BCKDHB: variants seen among roughly 807,000 people sequenced by gnomAD.
BCKDHB encodes the protein 2-oxoisovalerate dehydrogenase subunit beta, mitochondrial.
Under a neutral mutation model 48.5 loss-of-function variants are expected in BCKDHB, and 41 were observed. The observed-to-expected ratio is 0.85, with a 90% CI of 0.66 to 1.10. The LOEUF (loss-of-function observed/expected upper bound fraction) is 1.10, where lower values mean the gene tolerates loss of function less well. BCKDHB is among the 50% of genes least tolerant of loss of function. The pLI, the probability that BCKDHB is intolerant of heterozygous loss-of-function variation, is 0.00. For missense variants in BCKDHB, 496 were observed against 494.2 expected (o/e 1.00, Z -0.03); for synonymous variants, 201 against 174.8 (o/e 1.15, Z -1.18).
At chr6:80,448,681 A>G in the BCKDHB span, among the ~76,000 whole-genome samples, 35 of 152,348 alleles carry the variant, frequency 2.3e-4, no homozygotes, top group African/African-American at 8.4e-4. Flanking sequence ...ATGAATCCCA[A>G]ATATCTTTCA....
intron 8 of BCKDHB, among the ~76,000 whole-genome samples, chr6:80,241,419 C>T (rs915496959): frequency 1.3e-5 from 2 of 152,092 alleles, no homozygotes; most frequent in East Asian, 1.9e-4. Context: ...TGATGGTGAC[C>T]TACAGATGGA....
chr6:80,138,125 C>A (rs998253188), intron 3 of BCKDHB, among the ~76,000 whole-genome samples: 1 of 151,918 alleles, frequency 6.6e-6, no homozygotes, highest in Admixed American at 6.6e-5. Context: ...TGATCTATTT[C>A]CATGTAATGT....
In BCKDHB at chr6:80,273,174, G is replaced by A. The variant is rs1777825845; in HGVS notation, c.991G>A (p.Ala331Thr). Residue 331 changes from alanine (A) to threonine (T), a missense_variant, in exon 9 of 10, where the codon GCT becomes ACT. Transcript: ENST00000320393. Reference sequence around the variant, plus strand: ...AGGGCGACTGCTAATCAGTCACGAGGCTCCCTTGACAGGCGGCTTTGCATC... The same window carrying A: ...AGGGCGACTGCTAATCAGTCACGAGACTCCCTTGACAGGCGGCTTTGCATC... Reference protein sequence around the residue: ...KTGRLLISHEAPLTGGFASEI... With the variant: ...KTGRLLISHETPLTGGFASEI... The A allele has an allele frequency of 6.2e-7, 1 of 1,613,550 alleles. No individual in the cohort carries two copies. Among genetic ancestry groups the A allele is most frequent in the Non-Finnish European group, 8.5e-7 (1 of 1,179,674 alleles).
intron 3 of BCKDHB, among the ~76,000 whole-genome samples, chr6:80,163,276 A>G (rs1163156893): frequency 1.4e-5 from 2 of 147,080 alleles, no homozygotes; most frequent in African/African-American, 5.0e-5. Context: ...CTCTGCTTCT[A>G]TTCTCTATTC....
At chr6:80,183,215 A>G (rs1773494986) in intron 6 of BCKDHB, among the ~76,000 whole-genome samples, 1 of 152,158 alleles carries the variant, frequency 6.6e-6, no homozygotes, top group Admixed American at 6.6e-5. Context: ...TGACGAAGCC[A>G]GATGCTGTGT....
the BCKDHB span, among the ~76,000 whole-genome samples, chr6:80,357,350 T>C: frequency 6.6e-6 from 1 of 151,996 alleles, no homozygotes; most frequent in Non-Finnish European, 1.5e-5. Flanking sequence ...GCACAGCTGT[T>C]GAAACAGAAT....
intron 9 of BCKDHB, chr6:80,308,059 A>G: frequency 3.1e-6 from 1 of 325,890 alleles, no homozygotes; most frequent in Non-Finnish European, 4.4e-6. Flanking sequence ...AATAAAACAA[A>G]TATATGAATT....
chr6:80,152,804 G>A (rs1012583271), intron 3 of BCKDHB, among the ~76,000 whole-genome samples: 1 of 152,154 alleles, frequency 6.6e-6, no homozygotes, highest in African/African-American at 2.4e-5. Context: ...GGTTCATGCT[G>A]GTACCTTTGT....
At chr6:80,245,025 CCTCT>C (rs1368605506) in intron 8 of BCKDHB, among the ~76,000 whole-genome samples, 2 of 152,008 alleles carry the variant, frequency 1.3e-5, no homozygotes, top group Non-Finnish European at 2.9e-5. Context: ...TACTATTCTA[CCTCT>C]CTATCAGTTT....
chr6:80,303,531 A>G (rs185891598), intron 9 of BCKDHB, among the ~76,000 whole-genome samples: 2 of 152,218 alleles, frequency 1.3e-5, no homozygotes, highest in East Asian at 3.9e-4. Context: ...GCTTCTGCAT[A>G]AGAGCCAGAA....
At chr6:80,409,186 G>C in the BCKDHB span, among the ~76,000 whole-genome samples, 1 of 151,996 alleles carries the variant, frequency 6.6e-6, no homozygotes, top group African/African-American at 2.4e-5. Flanking sequence ...TAGTTGTGTG[G>C]TTTTGAGTGG....
the BCKDHB span, among the ~76,000 whole-genome samples, chr6:80,430,474 C>T: frequency 6.6e-6 from 1 of 152,152 alleles, no homozygotes; most frequent in African/African-American, 2.4e-5. Flanking sequence ...TAGAATTCAG[C>T]TGTGAATCCT....
At chr6:80,284,531 CT>C (rs2127978298) in intron 9 of BCKDHB, among the ~76,000 whole-genome samples, 2 of 152,122 alleles carry the variant, frequency 1.3e-5, no homozygotes, top group South Asian at 4.2e-4. Flanking sequence ...AGAGACATAA[CT>C]TTTTTGTTTT....
the BCKDHB span, among the ~76,000 whole-genome samples, chr6:80,408,394 T>C: frequency 6.6e-6 from 1 of 152,308 alleles, no homozygotes; most frequent in South Asian, 2.1e-4. Flanking sequence ...GGATTCCTTC[T>C]TTTTCTTTTG....
intron 9 of BCKDHB, among the ~76,000 whole-genome samples, chr6:80,321,344 C>A (rs1768707945): frequency 6.6e-6 from 1 of 152,134 alleles, no homozygotes; most frequent in African/African-American, 2.4e-5. Flanking sequence ...GATCTTTCCT[C>A]AATTCTACTG....
chr6:80,252,763 C>T (rs1306796343), intron 8 of BCKDHB, among the ~76,000 whole-genome samples: 1 of 152,246 alleles, frequency 6.6e-6, no homozygotes, highest in African/African-American at 2.4e-5. Context: ...TATCTTACTA[C>T]AAGAGATACT....
At chr6:80,457,651 C>CA in the BCKDHB span, among the ~76,000 whole-genome samples, 240 of 152,264 alleles carry the variant, frequency 1.6e-3, no homozygotes, top group Middle Eastern at 3.4e-3. Flanking sequence ...TAGAGTCCTG[C>CA]AGGAAAGCAT....
At chr6:80,198,220 G>A (rs909097409) in intron 6 of BCKDHB, among the ~76,000 whole-genome samples, 1 of 152,118 alleles carries the variant, frequency 6.6e-6, no homozygotes, top group Admixed American at 6.6e-5. Flanking sequence ...GTGAGCCAAC[G>A]AAATGCTGTT....
intron 9 of BCKDHB, among the ~76,000 whole-genome samples, chr6:80,297,210 C>A (rs959122387): frequency 6.6e-6 from 1 of 152,116 alleles, no homozygotes. Context: ...GTCAAAGAAG[C>A]AGTTTATGAC....
Sources: gnomAD v4.1 joint callset for allele counts (sites outside exome capture counted in the v4.1 genomes callset) on GRCh38, gnomAD v4.1.1 for gene constraint, MANE v1.5 for transcripts, NCBI Gene and HGNC (gene_info 2026-07-23, HGNC 2026-07-21) for gene names.